CD44: variants seen among roughly 807,000 people sequenced by gnomAD.
CD44 encodes the protein CD44 molecule (IN blood group).
A neutral mutation model predicts 88.8 loss-of-function variants in CD44; 49 were observed. The ratio of observed to expected loss-of-function variants is 0.55; its 90% CI spans 0.44 to 0.70. The LOEUF (loss-of-function observed/expected upper bound fraction) is 0.70, where lower values mean the gene tolerates loss of function less well. Among genes scored for constraint, CD44 ranks in the 30% least tolerant of loss-of-function variants. CD44 has a pLI of 0.00. For synonymous variants in CD44, 325 were observed against 312.3 expected (o/e 1.04, Z -0.43); for missense variants, 883 against 913.8 (o/e 0.97, Z 0.43).
chr11:35,204,382 G>A lies in CD44; in HGVS notation c.1154-130G>A, dbSNP rs925817981. Reference sequence around the variant, plus strand: ...ATCCCTTTTAGAATATCAGTGGCCTGTTTCCTTGGTGCCTTTCTTTTCTAC... The same window carrying A: ...ATCCCTTTTAGAATATCAGTGGCCTATTTCCTTGGTGCCTTTCTTTTCTAC... On this transcript the variant is annotated intron_variant, in intron 9 of 17. Transcript: ENST00000428726. The A allele has an allele frequency of 1.5e-5, 12 of 778,430 alleles. No individual in the cohort carries two copies. In the East Asian group the frequency reaches 2.3e-4, roughly 15 times the overall value. The allele number at this position is 778,430 out of a possible 1,614,324, so 48.2% of individuals were successfully genotyped here. A position where few individuals can be genotyped will look rare whatever the true frequency, so the allele number is the denominator to read the frequency against.
chr11:35,207,614 T>C (rs965417628), intron 11 of CD44, among the ~76,000 whole-genome samples: 7 of 152,128 alleles, frequency 4.6e-5, no homozygotes, highest in African/African-American at 1.7e-4. Flanking sequence ...ACCTAGGTGG[T>C]CTTGGATGAC....
At chr11:35,165,827 C>A (rs116749440) in intron 1 of CD44, among the ~76,000 whole-genome samples, 1 of 152,080 alleles carries the variant, frequency 6.6e-6, no homozygotes. Flanking sequence ...CAGATGGGGG[C>A]CCCCGGCTTA....
chr11:35,211,417 A>G lies in CD44; in HGVS notation c.1778A>G (p.Asp593Gly), dbSNP rs777154179. ...SFGVTAVTVG[D>G]SNSNVNRSLS... ...GGAGTTACTGCAGTTACTGTTGGAG[A>G]TTCCAACTCTAATGTCAATCGTTCC... The change falls in exon 14 of 18, where the codon GAT becomes GGT. Residue 593 changes from aspartate to glycine, a missense_variant. Transcript: ENST00000428726. 1 of 1,613,870 alleles carries G rather than the reference A, an allele frequency of 6.2e-7. No homozygotes were observed. Among genetic ancestry groups the G allele is most frequent in the South Asian group, 1.1e-5 (1 of 91,068 alleles).
At chr11:35,154,277 G>A (rs1357947378) in intron 1 of CD44, among the ~76,000 whole-genome samples, 1 of 152,140 alleles carries the variant, frequency 6.6e-6, no homozygotes, top group African/African-American at 2.4e-5. Context: ...GGTTTACAGG[G>A]TGTCTTTCAA....
chr11:35,220,420 G>A (rs1400219936), intron 16 of CD44, among the ~76,000 whole-genome samples: 1 of 152,148 alleles, frequency 6.6e-6, no homozygotes, highest in Non-Finnish European at 1.5e-5. Context: ...ATCTAAACCA[G>A]GAAAAGGTGA....
At chr11:35,140,362 A>C (rs1053310655) in intron 1 of CD44, among the ~76,000 whole-genome samples, 2 of 152,232 alleles carry the variant, frequency 1.3e-5, no homozygotes, top group African/African-American at 4.8e-5. Flanking sequence ...TCGCTGGCCA[A>C]AATTAATCTT....
At chr11:35,139,684 C>T in intron 1 of CD44, 1 of 611,300 alleles carries the variant, frequency 1.6e-6, no homozygotes, top group Non-Finnish European at 3.1e-6. Context: ...CCCGGATGCG[C>T]ACAGTCGTTG....
In CD44 at chr11:35,222,876, A is replaced by G. The variant is rs75879905; in HGVS notation, c.2024+1144A>G. On this transcript the variant is annotated intron_variant, in intron 17 of 17. Coordinates refer to ENST00000428726, the MANE Select transcript of CD44 (RefSeq NM_000610.4). ...TTATTGTGTCCCCAGATCACCTCAC[A>G]GGGCAGAAAAATGCCCCTCAGTCTG... is the stretch of plus-strand genomic sequence containing the variant. The G allele has an allele frequency of 4.0e-3, 3,940 of 985,372 alleles. 9 individuals carry two copies. The highest frequency in any genetic ancestry group is 0.018 in the Middle Eastern group (35 of 1,914). The allele number at this position is 985,372 out of a possible 1,614,324, so 61.0% of individuals were successfully genotyped here.
chr11:35,155,018 A>G (rs1373083704), intron 1 of CD44, among the ~76,000 whole-genome samples: 1 of 151,860 alleles, frequency 6.6e-6, no homozygotes, highest in African/African-American at 2.4e-5. Flanking sequence ...CATCCTAGGA[A>G]AAAAAAAATC....
intron 1 of CD44, among the ~76,000 whole-genome samples, chr11:35,170,439 C>T (rs1565054396): frequency 6.6e-6 from 1 of 152,206 alleles, no homozygotes; most frequent in African/African-American, 2.4e-5. Context: ...CACTGGTCTC[C>T]ATGACCCCTC....
At position 35,139,618 on chromosome 11, in the gene CD44, C is replaced by G. The variant is rs1466646638; in HGVS notation, c.67+248C>G. The G allele has an allele frequency of 4.0e-6, 3 of 740,946 alleles. No homozygotes were observed. The East Asian group carries it at 7.6e-5, about 19-fold the overall frequency. 45.9% of individuals were successfully genotyped at this position (740,946 alleles called of 1,614,324 possible). On this transcript the variant is annotated intron_variant, in intron 1 of 17. Transcript: ENST00000428726. The stretch of plus-strand genomic sequence containing the variant: ...AAGTTTGTTGGGCAGGCTGCCGGCG[C>G]GCAGTTTTGGGCGAGGTCGCTAGAG...
intron 17 of CD44, among the ~76,000 whole-genome samples, chr11:35,228,231 G>A (rs1042604862): frequency 7.2e-5 from 11 of 152,158 alleles, no homozygotes; most frequent in Non-Finnish European, 1.2e-4. Flanking sequence ...TTTCTTTTGC[G>A]TTTGGGTCTT....
Position 35,219,398 on chromosome 11 carries a change from A to C in CD44, c.1945+11A>C, listed in dbSNP as rs1238858190. The C allele has an allele frequency of 6.2e-7, 1 of 1,606,742 alleles. No individual in the cohort carries two copies. On this transcript the variant is annotated intron_variant, in intron 16 of 17. Coordinates refer to ENST00000428726, the MANE Select transcript of CD44 (RefSeq NM_000610.4). The stretch of plus-strand genomic sequence containing the variant: ...CACCCCAAATTCCAGGTGAGTTTCA[A>C]ACTTTGAGGCAGAAAAACACACTGA...
rs1221220271 is a variant in CD44, at chr11:35,222,305, T to C, written c.2024+573T>C. ...CTTTTGTTTGTCGTTTGTTTTTTTATTGGCCTTGTGCTTTTGTTTGTTGTT... is the reference window on the plus strand; with the variant it reads ...CTTTTGTTTGTCGTTTGTTTTTTTACTGGCCTTGTGCTTTTGTTTGTTGTT... On this transcript the variant is annotated intron_variant, in intron 17 of 17. Transcript: ENST00000428726. 1.2e-5 allele frequency: 9 copies of C among 727,734 alleles called. No individual in the cohort carries two copies. In the South Asian group the frequency reaches 1.3e-4, roughly 11 times the overall value. 45.1% of individuals were successfully genotyped at this position (727,734 alleles called of 1,614,324 possible).
chr11:35,157,506 C>A (rs1329119532), intron 1 of CD44, among the ~76,000 whole-genome samples: 1 of 152,118 alleles, frequency 6.6e-6, no homozygotes, highest in Non-Finnish European at 1.5e-5. Flanking sequence ...TTGTCTCTAT[C>A]TTTATCTATT....
At chr11:35,197,422 TCTC>T (rs1458626501) in intron 6 of CD44, 1 of 152,238 alleles carries the variant, frequency 6.6e-6, no homozygotes, top group Non-Finnish European at 1.5e-5. Context: ...AAGTTTTTCA[TCTC>T]CTTTTTTTAT....
chr11:35,163,054 T>A (rs1942831542), intron 1 of CD44, among the ~76,000 whole-genome samples: 1 of 152,190 alleles, frequency 6.6e-6, no homozygotes, highest in African/African-American at 2.4e-5. Flanking sequence ...ACTTTGTCAC[T>A]TGTAATGCTT....
intron 1 of CD44, among the ~76,000 whole-genome samples, chr11:35,168,192 A>G (rs1198359897): frequency 2.0e-5 from 3 of 152,130 alleles, no homozygotes; most frequent in African/African-American, 7.2e-5. Flanking sequence ...CTCTCTTTTC[A>G]TGATCACCTC....
chr11:35,221,886 C>T (rs55715534), intron 17 of CD44, among the ~76,000 whole-genome samples, 154 bp downstream of exon 17: 20,954 of 152,218 alleles, frequency 0.14, 1,564 homozygotes, highest in African/African-American at 0.18. Flanking sequence ...CAACCCCAGA[C>T]CTCCTATGGC....
Sources: allele counts gnomAD v4.1 joint callset (sites outside exome capture counted in the v4.1 genomes callset), GRCh38; gene constraint gnomAD v4.1.1; transcripts MANE v1.5; gene names NCBI Gene and HGNC (gene_info 2026-07-23, HGNC 2026-07-21).